The following FMN1 variants were observed in gnomAD, a reference collection of about 807,000 sequenced individuals.
FMN1 encodes formin 1, also known as formin-1.
FMN1 carries 110 observed loss-of-function variants against 132.4 expected under a neutral mutation model. The observed-to-expected ratio is 0.83, with a 90% CI of 0.71 to 0.97. The LOEUF is 0.97. Ranked by LOEUF, FMN1 falls within the 50% of genes least tolerant of loss-of-function variation. The probability of loss-of-function intolerance (pLI) is 0.00; values close to 1 mark genes in which losing one functional copy is unlikely to be tolerated. For synonymous variants in FMN1, 722 were observed against 651.7 expected (o/e 1.11, Z -1.64); for missense variants, 1,792 against 1,705.3 (o/e 1.05, Z -0.90).
At chr15:33,056,396 G>T (rs1418366513) in intron 6 of FMN1, among the ~76,000 whole-genome samples, 1 of 152,230 alleles carries the variant, frequency 6.6e-6, no homozygotes, top group Non-Finnish European at 1.5e-5. Context: ...ATGTGGCACA[G>T]AAGATTTATA....
chr15:32,818,022 G>C (rs1439846121), intron 17 of FMN1, among the ~76,000 whole-genome samples: 1 of 152,126 alleles, frequency 6.6e-6, no homozygotes, highest in Non-Finnish European at 1.5e-5. Flanking sequence ...TAGAACATTT[G>C]AGAAAGATAT....
Position 32,850,330 on chromosome 15 carries a change from T to C in FMN1, c.3928+6685A>G, listed in dbSNP as rs539494930. On this transcript the variant is annotated intron_variant, in intron 17 of 20. Transcript: ENST00000616417. ...GATTATGTAATAACCTGCTCTTATTTTGCAACTTAGAGATTTAAGTATGGC... is the reference window on the plus strand; with the variant it reads ...GATTATGTAATAACCTGCTCTTATTCTGCAACTTAGAGATTTAAGTATGGC... Among the ~76,000 whole-genome samples the C allele has an allele frequency of 2.0e-5, 3 of 151,810 alleles. No homozygotes were observed. The East Asian group carries it at 5.8e-4, about 29-fold the overall frequency.
intron 17 of FMN1, among the ~76,000 whole-genome samples, chr15:32,815,234 G>A (rs541649584): frequency 3.3e-4 from 50 of 152,274 alleles, no homozygotes; most frequent in Admixed American, 8.5e-4. Flanking sequence ...GAGCCATCGC[G>A]CCCGGCCTGC....
intron 5 of FMN1, among the ~76,000 whole-genome samples, chr15:33,085,528 A>T (rs1324060541): frequency 6.7e-6 from 1 of 149,980 alleles, no homozygotes; most frequent in Non-Finnish European, 1.5e-5. Flanking sequence ...TATATATCAC[A>T]TGTATTTATA....
intron 18 of FMN1, among the ~76,000 whole-genome samples, chr15:32,803,241 C>CCTGT (rs1385546529): frequency 6.6e-6 from 1 of 152,222 alleles, no homozygotes; most frequent in African/African-American, 2.4e-5. Flanking sequence ...CCTACCTCTA[C>CCTGT]CTGTCATCTA....
At chr15:32,901,370 T>C (rs1471533395) in intron 13 of FMN1, among the ~76,000 whole-genome samples, 1 of 152,234 alleles carries the variant, frequency 6.6e-6, no homozygotes, top group Non-Finnish European at 1.5e-5. Flanking sequence ...TAACGTGTCC[T>C]TAAGAGCATG....
intron 7 of FMN1, among the ~76,000 whole-genome samples, chr15:32,984,960 T>G (rs79748231): frequency 0.019 from 2,477 of 132,558 alleles, 89 homozygotes; most frequent in African/African-American, 0.07. Context: ...TCCTTTTCTC[T>G]GTTTGTTCAT....
intron 10 of FMN1, among the ~76,000 whole-genome samples, chr15:32,913,950 G>A (rs2060623260): frequency 6.6e-6 from 1 of 152,124 alleles, no homozygotes. Context: ...CTCTAAAGGG[G>A]CACAGCCTTA....
intron 6 of FMN1, among the ~76,000 whole-genome samples, chr15:33,011,226 G>T (rs1202240787): frequency 2.0e-5 from 3 of 152,084 alleles, no homozygotes; most frequent in Admixed American, 6.6e-5. Flanking sequence ...TAATAAGATA[G>T]AATAGACAGT....
intron 19 of FMN1, among the ~76,000 whole-genome samples, chr15:32,777,833 AAT>A (rs561130380): frequency 9.3e-6 from 1 of 106,952 alleles, no homozygotes; most frequent in African/African-American, 3.8e-5. Flanking sequence ...TATTATGTAT[AAT>A]ATATAATACA....
chr15:33,120,472 T>A (rs1295210949), intron 4 of FMN1, among the ~76,000 whole-genome samples: 1 of 152,206 alleles, frequency 6.6e-6, no homozygotes, highest in Non-Finnish European at 1.5e-5. Context: ...AGCCATCTAG[T>A]GCATGTTTAT....
intron 4 of FMN1, among the ~76,000 whole-genome samples, chr15:33,110,996 A>G (rs975169869): frequency 2.0e-5 from 3 of 152,192 alleles, no homozygotes; most frequent in Admixed American, 6.6e-5. Context: ...ACACATGTGA[A>G]AAAGTGCTAT....
chr15:32,985,887 T>C (rs1213029499), intron 7 of FMN1, among the ~76,000 whole-genome samples: 2 of 152,142 alleles, frequency 1.3e-5, no homozygotes, highest in Non-Finnish European at 2.9e-5. Flanking sequence ...CACATTTTAA[T>C]TGGTAAGAAT....
chr15:33,161,275 A>T (rs1413111720), intron 3 of FMN1, among the ~76,000 whole-genome samples: 1 of 152,172 alleles, frequency 6.6e-6, no homozygotes, highest in Non-Finnish European at 1.5e-5. Context: ...CTCAATCAAC[A>T]AGTTTCCTTG....
chr15:32,995,524 T>C (rs557954148), intron 7 of FMN1, among the ~76,000 whole-genome samples: 13 of 152,274 alleles, frequency 8.5e-5, no homozygotes, highest in African/African-American at 1.2e-4. Context: ...AATAAAATAA[T>C]CCATGGTAAA....
Position 32,766,067 on chromosome 15 carries a change from C to A in FMN1, c.*8243G>T, listed in dbSNP as rs911820969. On this transcript the variant is annotated 3_prime_UTR_variant, in exon 21 of 21. Transcript: ENST00000616417. The stretch of plus-strand genomic sequence containing the variant: ...TGTAAGGTTTCATGTCTTTAAAGGG[C>A]CTTCTCCTTTCCCCAACTGTCTTCA... 3.3e-5 allele frequency: 5 copies of A among 152,098 alleles called. No homozygotes were observed. The highest frequency in any genetic ancestry group is 7.3e-5 in the Non-Finnish European group (5 of 68,028). 9.4% of individuals were successfully genotyped at this position (152,098 alleles called of 1,614,324 possible). A position where few individuals can be genotyped will look rare whatever the true frequency, so the allele number is the denominator to read the frequency against.
At chr15:32,904,391 G>A (rs998363758) in intron 12 of FMN1, among the ~76,000 whole-genome samples, 4 of 152,178 alleles carry the variant, frequency 2.6e-5, no homozygotes, top group East Asian at 1.9e-4. Flanking sequence ...ACTTCTGAAC[G>A]AATGAAGGGT....
chr15:32,915,331 T>A (rs1567384285), intron 10 of FMN1, among the ~76,000 whole-genome samples: 1 of 152,218 alleles, frequency 6.6e-6, no homozygotes, highest in Non-Finnish European at 1.5e-5. Flanking sequence ...CAATGAATGC[T>A]CTCCGATTAA....
intron 4 of FMN1, among the ~76,000 whole-genome samples, chr15:33,132,888 G>A (rs17235708): frequency 0.3 from 45,781 of 152,026 alleles, 8,476 homozygotes; most frequent in South Asian, 0.4. Context: ...GAAGTCCAGA[G>A]GGGTTGTTAG....
Sources: allele counts gnomAD v4.1 joint callset (sites outside exome capture counted in the v4.1 genomes callset), GRCh38; gene constraint gnomAD v4.1.1; transcripts MANE v1.5; gene names NCBI Gene and HGNC (gene_info 2026-07-23, HGNC 2026-07-21).